Variants in RCAN2 observed in about 807,000 individuals in gnomAD.
The protein encoded by RCAN2 is calcipressin-2.
Under a neutral mutation model 23.6 loss-of-function variants are expected in RCAN2, and 9 were observed. That is an observed-to-expected ratio of 0.38 (90% CI 0.23 to 0.67). RCAN2 has a LOEUF of 0.67. Among genes scored for constraint, RCAN2 ranks in the 30% least tolerant of loss-of-function variants. RCAN2 has a pLI of 0.51. For missense variants in RCAN2, 273 were observed against 302.3 expected, an observed-to-expected ratio of 0.90 and a Z score of 0.72; for synonymous variants, 109 against 115.7, an observed-to-expected ratio of 0.94 and a Z score of 0.37.
chr6:46,245,831 G>A (rs566200596), intron 4 of RCAN2, among the ~76,000 whole-genome samples: 133 of 152,278 alleles, frequency 8.7e-4, no homozygotes, highest in African/African-American at 3.1e-3. Context: ...AAGATAACCA[G>A]CAGTAGACAG....
intron 4 of RCAN2, among the ~76,000 whole-genome samples, chr6:46,226,922 T>C (rs977354041): frequency 1.3e-5 from 2 of 152,244 alleles, no homozygotes; most frequent in Non-Finnish European, 2.9e-5. Flanking sequence ...AGCTGTGGGT[T>C]TGTCATAAAT....
At position 46,222,211 on chromosome 6, in the gene RCAN2, T is replaced by A. The variant is rs2150300399; in HGVS notation, c.*930A>T. ...CTGTATTAGTATATGAAGGCATTCA[T>A]AAGCAATGCACATTATGTTTTGAAG... On this transcript the variant is annotated 3_prime_UTR_variant, in exon 5 of 5. Coordinates refer to ENST00000371374, the MANE Select transcript of RCAN2 (RefSeq NM_001251974.2). 2.6e-6 allele frequency: 1 copy of A among 383,862 alleles called. No homozygotes were observed. Among genetic ancestry groups the A allele is most frequent in the African/African-American group, 2.1e-5 (1 of 48,410 alleles). 23.8% of individuals were successfully genotyped at this position (383,862 alleles called of 1,614,324 possible).
At position 46,236,755 on chromosome 6, in the gene RCAN2, A is replaced by G. The variant is rs115772498; in HGVS notation, c.571+9993T>C. Among the ~76,000 whole-genome samples, 365 of 152,334 alleles carry G rather than the reference A, an allele frequency of 2.4e-3. 1 individual carries two copies. The highest frequency in any genetic ancestry group is 0.01 in the Middle Eastern group (3 of 294). ...TTTCAACTAAGTGGAAAACCATTTA[A>G]AGGCAAGCATCTATCCTCTTATCAG... On this transcript the variant is annotated intron_variant, in intron 4 of 4. Transcript: ENST00000371374.
At chr6:46,486,621 C>A (rs1768996424) in intron 1 of RCAN2, among the ~76,000 whole-genome samples, 1 of 152,098 alleles carries the variant, frequency 6.6e-6, no homozygotes. Context: ...AAATCTAGGA[C>A]CGTGTTCTAA....
At chr6:46,319,145 G>C (rs1763532784) in intron 2 of RCAN2, among the ~76,000 whole-genome samples, 1 of 152,208 alleles carries the variant, frequency 6.6e-6, no homozygotes, top group South Asian at 2.1e-4. Flanking sequence ...TCCTTGCAAA[G>C]CTGGGCTAGT....
intron 2 of RCAN2, among the ~76,000 whole-genome samples, chr6:46,450,471 G>A (rs1166537779): frequency 6.6e-6 from 1 of 152,046 alleles, no homozygotes; most frequent in Non-Finnish European, 1.5e-5. Flanking sequence ...TGAAATTGGT[G>A]TGTTGAAGAG....
chr6:46,447,079 A>G (rs1767734547), intron 2 of RCAN2, among the ~76,000 whole-genome samples: 1 of 152,110 alleles, frequency 6.6e-6, no homozygotes, highest in African/African-American at 2.4e-5. Context: ...AAAAAGACCT[A>G]ACTATACACT....
intron 2 of RCAN2, among the ~76,000 whole-genome samples, chr6:46,304,073 A>T (rs974709919): frequency 6.6e-6 from 1 of 152,126 alleles, no homozygotes; most frequent in African/African-American, 2.4e-5. Context: ...AACACAGGAG[A>T]GTTCTAGCTG....
intron 2 of RCAN2, among the ~76,000 whole-genome samples, chr6:46,454,908 T>A (rs1767975808): frequency 6.6e-6 from 1 of 152,198 alleles, no homozygotes; most frequent in East Asian, 1.9e-4. Flanking sequence ...TAATCAGCCA[T>A]TCTTGAGCAG....
intron 2 of RCAN2, among the ~76,000 whole-genome samples, chr6:46,340,699 C>T (rs12055715): frequency 0.42 from 64,188 of 152,008 alleles, 14,997 homozygotes; most frequent in East Asian, 0.6. Context: ...GGTAAGCCCT[C>T]GAAATTTTAG....
intron 2 of RCAN2, among the ~76,000 whole-genome samples, chr6:46,285,525 G>A (rs1762347409): frequency 6.6e-6 from 1 of 152,174 alleles, no homozygotes; most frequent in Non-Finnish European, 1.5e-5. Context: ...GGTGATACAT[G>A]GGTCAGTTTG....
At chr6:46,374,851 A>C (rs1053803292) in intron 2 of RCAN2, among the ~76,000 whole-genome samples, 10 of 151,764 alleles carry the variant, frequency 6.6e-5, no homozygotes, top group African/African-American at 2.4e-4. Flanking sequence ...CTTTGCTGGC[A>C]AAAGAAAAAA....
chr6:46,399,800 A>T (rs1324247504), intron 2 of RCAN2, among the ~76,000 whole-genome samples: 1 of 152,044 alleles, frequency 6.6e-6, no homozygotes, highest in Non-Finnish European at 1.5e-5. Flanking sequence ...TTTAGGGATC[A>T]CCTTAATCCA....
At position 46,482,531 on chromosome 6, in the gene RCAN2, G is replaced by A. The variant is rs1296427755; in HGVS notation, c.-3+8642C>T. ...CAGGCTCCCAGATAAATGGAAATGGGTCCCAAACACCAGTTAGGTAAAGGT... is the reference window on the plus strand; with the variant it reads ...CAGGCTCCCAGATAAATGGAAATGGATCCCAAACACCAGTTAGGTAAAGGT... On this transcript the variant is annotated intron_variant, in intron 1 of 4. Coordinates refer to ENST00000371374, the MANE Select transcript of RCAN2 (RefSeq NM_001251974.2). 3.3e-5 allele frequency among the ~76,000 whole-genome samples: 5 copies of A among 152,124 alleles called. No homozygotes were observed. In the East Asian group the frequency reaches 9.6e-4, roughly 29 times the overall value.
chr6:46,291,414 G>C (rs1324614700), intron 2 of RCAN2, among the ~76,000 whole-genome samples: 1 of 151,866 alleles, frequency 6.6e-6, no homozygotes, highest in Non-Finnish European at 1.5e-5. Flanking sequence ...AAGGGAGGCA[G>C]CTGTGGAGTG....
rs536885199 is a variant in RCAN2, at chr6:46,342,593, A to G, written c.226-93697T>C. Among the ~76,000 whole-genome samples the G allele has an allele frequency of 4.5e-5, 3 of 66,924 alleles. No individual in the cohort carries two copies. The East Asian group carries it at 2.3e-3, about 52-fold the overall frequency. 43.9% of individuals were successfully genotyped at this position (66,924 alleles called of 152,430 possible). A position where few individuals can be genotyped will look rare whatever the true frequency, so the allele number is the denominator to read the frequency against. ...AGAAAGAATAAGCCAGAAGAACACG[A>G]CCTACATATAGAACATAGCTTTTCT... is the stretch of plus-strand genomic sequence containing the variant. On this transcript the variant is annotated intron_variant, in intron 2 of 4. Transcript: ENST00000371374.
intron 2 of RCAN2, among the ~76,000 whole-genome samples, chr6:46,264,487 C>T (rs1393353403): frequency 1.3e-5 from 2 of 152,162 alleles, no homozygotes; most frequent in African/African-American, 2.4e-5. Flanking sequence ...CTCCATCTCA[C>T]CTTTTCTATT....
At chr6:46,441,345 C>T (rs1767539273) in intron 2 of RCAN2, among the ~76,000 whole-genome samples, 1 of 152,166 alleles carries the variant, frequency 6.6e-6, no homozygotes, top group Non-Finnish European at 1.5e-5. Flanking sequence ...CTTCTGAATC[C>T]AACACCCACA....
At chr6:46,367,715 C>T (rs1182302301) in intron 2 of RCAN2, among the ~76,000 whole-genome samples, 1 of 152,120 alleles carries the variant, frequency 6.6e-6, no homozygotes, top group African/African-American at 2.4e-5. Context: ...ATCTTTGAAA[C>T]ACATATAATC....
Sources: gnomAD v4.1 joint callset for allele counts (sites outside exome capture counted in the v4.1 genomes callset) on GRCh38, gnomAD v4.1.1 for gene constraint, MANE v1.5 for transcripts, NCBI Gene and HGNC (gene_info 2026-07-23, HGNC 2026-07-21) for gene names.